The following ANK3 variants were observed in gnomAD, a reference collection of about 807,000 sequenced individuals.
The protein encoded by ANK3 is ankyrin 3.
A neutral mutation model predicts 370.9 loss-of-function variants in ANK3; 57 were observed. The ratio of observed to expected loss-of-function variants is 0.15; its 90% confidence interval spans 0.12 to 0.19. ANK3 has a LOEUF of 0.19. Among genes scored for constraint, ANK3 ranks in the 10% least tolerant of loss-of-function variants. The pLI is 1.00. For synonymous variants in ANK3, 1,929 were observed against 1,946.3 expected, an observed-to-expected ratio of 0.99 and a Z score of 0.23; for missense variants, 4,439 against 5,302.1, an observed-to-expected ratio of 0.84 and a Z score of 5.06.
intron 7 of ANK3, among the ~76,000 whole-genome samples, chr10:60,255,196 T>C (rs1174084311): frequency 1.3e-5 from 2 of 152,226 alleles, no homozygotes; most frequent in East Asian, 3.8e-4. Flanking sequence ...AAGAAGGGAA[T>C]GGACATTTAC....
intron 2 of ANK3, among the ~76,000 whole-genome samples, chr10:60,462,404 C>A (rs777535172): frequency 2.6e-5 from 4 of 152,060 alleles, no homozygotes; most frequent in Non-Finnish European, 2.9e-5. Context: ...ATGCTAAGAT[C>A]TGTTCCTTGA....
Position 60,253,906 on chromosome 10 carries a change from A to G in ANK3, c.798+7953T>C, listed in dbSNP as rs571044176. On this transcript the variant is annotated intron_variant, in intron 7 of 43. Coordinates refer to ENST00000280772, the MANE Select transcript of ANK3 (RefSeq NM_020987.5). ...TGGGATAAACATTCAAATGCCAAAA[A>G]AAGTCTGCTATAAGTGGTTTTTATT... Among the ~76,000 whole-genome samples, 3 of 152,358 alleles carry G rather than the reference A, an allele frequency of 2.0e-5. No homozygotes were observed. The South Asian group carries it at 6.2e-4, about 32-fold the overall frequency.
chr10:60,163,698 AT>A (rs907878377), intron 23 of ANK3, among the ~76,000 whole-genome samples: 1 of 152,174 alleles, frequency 6.6e-6, no homozygotes, highest in Non-Finnish European at 1.5e-5. Flanking sequence ...TTGCTTTTTA[AT>A]TTTTTATCTT....
At chr10:60,259,837 C>T (rs2097779914) in intron 7 of ANK3, among the ~76,000 whole-genome samples, 1 of 152,116 alleles carries the variant, frequency 6.6e-6, no homozygotes, top group Admixed American at 6.5e-5. Context: ...CAGAAGAATG[C>T]ATCTTGAAAT....
intron 1 of ANK3, among the ~76,000 whole-genome samples, chr10:60,375,792 A>G (rs991331807): frequency 2.0e-5 from 3 of 152,092 alleles, no homozygotes. Flanking sequence ...TCGTTTCCTT[A>G]TTTATTTACC....
At chr10:60,540,019 C>T (rs2076811689) in intron 2 of ANK3, among the ~76,000 whole-genome samples, 1 of 151,822 alleles carries the variant, frequency 6.6e-6, no homozygotes. Context: ...GGTGGAAAGG[C>T]CTCTCTGAGA....
chr10:60,446,427 C>T (rs1417637836), intron 2 of ANK3, among the ~76,000 whole-genome samples: 11 of 152,144 alleles, frequency 7.2e-5, no homozygotes, highest in African/African-American at 2.7e-4. Flanking sequence ...AGTGAGCCCC[C>T]CCTTCCTCTT....
chr10:60,247,246 T>C (rs1480444661), intron 7 of ANK3, among the ~76,000 whole-genome samples: 2 of 152,132 alleles, frequency 1.3e-5, no homozygotes, highest in African/African-American at 4.8e-5. Flanking sequence ...CTCGATCTCC[T>C]GACCTTGTGA....
chr10:60,123,896 G>C (rs907280365), intron 25 of ANK3, among the ~76,000 whole-genome samples: 1 of 152,226 alleles, frequency 6.6e-6, no homozygotes, highest in Admixed American at 6.5e-5. Context: ...GGCAGAGGAA[G>C]TCATGTGGGT....
intron 4 of ANK3, among the ~76,000 whole-genome samples, chr10:60,277,043 T>C (rs547634939): frequency 6.6e-6 from 1 of 152,308 alleles, no homozygotes; most frequent in East Asian, 1.9e-4. Flanking sequence ...ATCAGAATAA[T>C]TGGCATAGAT....
intron 1 of ANK3, among the ~76,000 whole-genome samples, chr10:60,382,215 G>C (rs1041341395): frequency 2.6e-5 from 4 of 152,018 alleles, no homozygotes; most frequent in Non-Finnish European, 2.9e-5. Flanking sequence ...TTAGGGCCTA[G>C]TTCTATTTCC....
chr10:60,153,203 G>A (rs966618948), intron 23 of ANK3, among the ~76,000 whole-genome samples: 2 of 152,196 alleles, frequency 1.3e-5, no homozygotes, highest in African/African-American at 4.8e-5. Flanking sequence ...TATAAGCTTT[G>A]GATGGTTTTA....
chr10:60,282,210 C>T (rs1461060623), intron 1 of ANK3, among the ~76,000 whole-genome samples: 5 of 152,106 alleles, frequency 3.3e-5, no homozygotes, highest in Non-Finnish European at 7.4e-5. Context: ...GTGAGTTAAG[C>T]ATCCCAAACT....
intron 23 of ANK3, chr10:60,139,487 A>C (rs1307149894): frequency 6.1e-6 from 1 of 164,832 alleles, no homozygotes; most frequent in Non-Finnish European, 1.3e-5. Context: ...CCTCTTCATT[A>C]CTGTTCTTGA....
At chr10:60,678,767 T>C (rs2079158160) in intron 1 of ANK3, among the ~76,000 whole-genome samples, 1 of 152,200 alleles carries the variant, frequency 6.6e-6, no homozygotes, top group African/African-American at 2.4e-5. Flanking sequence ...AAACAAAATA[T>C]TTGGAGGCAA....
intron 2 of ANK3, among the ~76,000 whole-genome samples, chr10:60,595,685 A>G (rs1303680410): frequency 6.6e-6 from 1 of 152,136 alleles, no homozygotes; most frequent in East Asian, 1.9e-4. Context: ...CCCAAACTAG[A>G]AGGGGGTTTA....
intron 1 of ANK3, among the ~76,000 whole-genome samples, chr10:60,658,980 C>T (rs1053594223): frequency 2.7e-4 from 40 of 150,840 alleles, no homozygotes; most frequent in African/African-American, 7.3e-4. Flanking sequence ...GGGGAAGGGA[C>T]GGGAGGGGAG....
intron 2 of ANK3, among the ~76,000 whole-genome samples, chr10:60,609,907 A>G (rs1007078841): frequency 1.3e-5 from 2 of 152,150 alleles, no homozygotes; most frequent in Admixed American, 6.5e-5. Context: ...TTAGAAAACA[A>G]TTATACAGTT....
intron 2 of ANK3, among the ~76,000 whole-genome samples, chr10:60,533,615 G>A (rs909071516): frequency 6.6e-6 from 1 of 152,084 alleles, no homozygotes; most frequent in Non-Finnish European, 1.5e-5. Context: ...CAATAAAACT[G>A]AATCAGTTTC....
Sources: gnomAD v4.1 joint callset for allele counts (sites outside exome capture counted in the v4.1 genomes callset) on GRCh38, gnomAD v4.1.1 for gene constraint, MANE v1.5 for transcripts, NCBI Gene and HGNC (gene_info 2026-07-23, HGNC 2026-07-21) for gene names.